GDA: variants seen among roughly 807,000 people sequenced by gnomAD.
The protein encoded by GDA is cytoplasmic PSD-95 interactor.
In GDA, 18 loss-of-function variants were observed where a neutral mutation model predicts 59.6. The observed-to-expected ratio is 0.30, with a 90% CI of 0.21 to 0.45. GDA has a LOEUF of 0.45. GDA is among the 20% of genes least tolerant of loss of function. The pLI is 1.00. For synonymous variants in GDA, 201 were observed against 201.1 expected, an observed-to-expected ratio of 1.00 and a Z score of 0.00; for missense variants, 427 against 552.3, an observed-to-expected ratio of 0.77 and a Z score of 2.27.
chr9:72,162,692 C>G (rs929181871), intron 1 of GDA, among the ~76,000 whole-genome samples: 2 of 151,216 alleles, frequency 1.3e-5, no homozygotes, highest in African/African-American at 4.9e-5. Context: ...GAATCTTGCT[C>G]TGTTGCCCAG....
At chr9:72,236,860 A>G (rs751485380) in intron 10 of GDA, among the ~76,000 whole-genome samples, 2 of 148,414 alleles carry the variant, frequency 1.3e-5, no homozygotes, top group Non-Finnish European at 3.0e-5. Flanking sequence ...GCCCTCTGCA[A>G]CCTCAGCCTC....
chr9:72,245,024 G>C, intron 11 of GDA, 124 bp from the exon 12 acceptor site: 1 of 807,482 alleles, frequency 1.2e-6, no homozygotes, highest in South Asian at 1.7e-5. Context: ...CTGTCTCACT[G>C]TTAAGATACT....
intron 1 of GDA, among the ~76,000 whole-genome samples, chr9:72,150,469 A>G (rs7857832): frequency 0.19 from 28,268 of 152,182 alleles, 2,984 homozygotes; most frequent in African/African-American, 0.3. Context: ...CAAATGACAC[A>G]GGTAACTTGA....
chr9:72,126,478 C>T (rs1825851450), intron 1 of GDA, among the ~76,000 whole-genome samples: 1 of 151,756 alleles, frequency 6.6e-6, no homozygotes, highest in East Asian at 1.9e-4. Flanking sequence ...ATCTGATTCA[C>T]ATGTGCTTGC....
intron 1 of GDA, among the ~76,000 whole-genome samples, chr9:72,116,768 T>C (rs1428542654): frequency 2.6e-5 from 4 of 151,918 alleles, no homozygotes; most frequent in Non-Finnish European, 5.9e-5. Context: ...CATATCGTTA[T>C]TTATTTATTT....
At position 72,223,109 on chromosome 9, in the gene GDA, A is replaced by G. The variant is rs779183299; in HGVS notation, c.607-11A>G. 1.5e-6 allele frequency: 2 copies of G among 1,364,678 alleles called. No homozygotes were observed. Among genetic ancestry groups the G allele is most frequent in the Non-Finnish European group, 2.1e-6 (2 of 957,756 alleles). The allele number at this position is 1,364,678 out of a possible 1,614,324, so 84.5% of individuals were successfully genotyped here. On this transcript the variant is annotated splice_polypyrimidine_tract_variant and intron_variant, in intron 6 of 13. Coordinates refer to ENST00000358399, the MANE Select transcript of GDA (RefSeq NM_004293.5). ...AAGGAAGAGGTATCAATTGTTTTTA[A>G]TTATCTCCAGTATTCTAGAGTGAAG...
chr9:72,137,193 T>A (rs1173500927), intron 1 of GDA, among the ~76,000 whole-genome samples: 8 of 103,296 alleles, frequency 7.7e-5, no homozygotes, highest in Non-Finnish European at 4.0e-5. Context: ...AATTAAAAAA[T>A]AAATAAATAA....
chr9:72,152,099 G>C (rs1349651417), intron 1 of GDA, among the ~76,000 whole-genome samples: 1 of 152,142 alleles, frequency 6.6e-6, no homozygotes, highest in African/African-American at 2.4e-5. Flanking sequence ...GTAGCGGGTG[G>C]ATTATAGCAG....
intron 1 of GDA, among the ~76,000 whole-genome samples, chr9:72,191,424 A>G (rs1044414154): frequency 6.6e-6 from 1 of 151,958 alleles, no homozygotes; most frequent in Non-Finnish European, 1.5e-5. Flanking sequence ...GAGGAAGAAG[A>G]TGGCTGGTGG....
chr9:72,225,530 C>CA, intron 7 of GDA, 147 bp from the exon 8 acceptor site: 1 of 569,512 alleles, frequency 1.8e-6, no homozygotes, highest in Non-Finnish European at 3.2e-6. Context: ...TTGTTTCTAA[C>CA]AAAATGCATG....
intron 1 of GDA, among the ~76,000 whole-genome samples, chr9:72,189,158 A>C (rs1192266590): frequency 1.6e-5 from 2 of 126,238 alleles, no homozygotes; most frequent in Non-Finnish European, 3.2e-5. Flanking sequence ...TACAGAGGAG[A>C]CTCTAGACTT....
Position 72,184,113 on chromosome 9 carries a change from A to G in GDA, c.124-11387A>G, listed in dbSNP as rs555223994. On this transcript the variant is annotated intron_variant, in intron 1 of 13. Transcript: ENST00000358399. ...TGAGAGAAAGGTTCAGAGCTTTCCC[A>G]TGTATCCCCTGCCGGGACACATGCA... Among the ~76,000 whole-genome samples the G allele has an allele frequency of 1.2e-3, 176 of 152,314 alleles. 1 individual carries two copies. Among genetic ancestry groups the G allele is most frequent in the African/African-American group, 4.0e-3 (168 of 41,554 alleles).
intron 1 of GDA, among the ~76,000 whole-genome samples, chr9:72,181,808 C>T (rs991250007): frequency 5.9e-5 from 9 of 152,108 alleles, no homozygotes; most frequent in Non-Finnish European, 1.0e-4. Context: ...CCAGCCTATA[C>T]TTTCACTTTT....
chr9:72,238,883 T>A (rs903405967), intron 10 of GDA, among the ~76,000 whole-genome samples: 1 of 152,230 alleles, frequency 6.6e-6, no homozygotes, highest in African/African-American at 2.4e-5. Flanking sequence ...TATTAAGATA[T>A]GTGATGTTAT....
intron 1 of GDA, among the ~76,000 whole-genome samples, chr9:72,123,185 CTT>C (rs530381322): frequency 0.047 from 5,901 of 126,140 alleles, 163 homozygotes; most frequent in Non-Finnish European, 0.067. Flanking sequence ...TTTTTCTTCC[CTT>C]TTTTTTTTTT....
intron 1 of GDA, among the ~76,000 whole-genome samples, chr9:72,165,799 G>GA (rs35402815): frequency 0.35 from 52,665 of 151,540 alleles, 10,306 homozygotes; most frequent in Non-Finnish European, 0.44. Flanking sequence ...TTGGGAGGCT[G>GA]AGGGGGGAGA....
Position 72,249,819 on chromosome 9 carries a change from A to C in GDA, c.*1477A>C. On this transcript the variant is annotated 3_prime_UTR_variant, in exon 14 of 14. Coordinates refer to ENST00000358399, the MANE Select transcript of GDA (RefSeq NM_004293.5). ...GTAGAAACTTTATGTAATATAGCTA[A>C]CTCCGTATTTACAGAACAAAAAAAC... The C allele has an allele frequency of 1.1e-6, 1 of 903,156 alleles. No homozygotes were observed. Among genetic ancestry groups the C allele is most frequent in the Non-Finnish European group, 1.3e-6 (1 of 755,030 alleles). The allele number at this position is 903,156 out of a possible 1,614,324, so 55.9% of individuals were successfully genotyped here. A position where few individuals can be genotyped will look rare whatever the true frequency, so the allele number is the denominator to read the frequency against.
intron 5 of GDA, among the ~76,000 whole-genome samples, chr9:72,215,113 G>A (rs891811894): frequency 2.2e-4 from 34 of 152,152 alleles, no homozygotes; most frequent in African/African-American, 7.7e-4. Context: ...GAAACAGAGG[G>A]TATGCAAGAA....
At chr9:72,118,273 CA>C (rs373179585) in intron 1 of GDA, among the ~76,000 whole-genome samples, 927 of 66,100 alleles carry the variant, frequency 0.014, 3 homozygotes, top group African/African-American at 0.052. Context: ...GACTCCACCT[CA>C]AAAAAAAAAA....
Sources: allele counts gnomAD v4.1 joint callset (sites outside exome capture counted in the v4.1 genomes callset), GRCh38; gene constraint gnomAD v4.1.1; transcripts MANE v1.5; gene names NCBI Gene and HGNC (gene_info 2026-07-23, HGNC 2026-07-21).